PTPRA: variants seen among roughly 807,000 people sequenced by gnomAD.
The protein encoded by PTPRA is protein tyrosine phosphatase receptor type A.
In PTPRA, 25 loss-of-function variants were observed where a neutral mutation model predicts 104.8. The ratio of observed to expected loss-of-function variants is 0.24; its 90% CI spans 0.17 to 0.33. The LOEUF (loss-of-function observed/expected upper bound fraction) is 0.33. PTPRA is among the 10% of genes least tolerant of loss of function. The probability of loss-of-function intolerance (pLI) is 1.00; values close to 1 mark genes in which losing one functional copy is unlikely to be tolerated. For missense variants in PTPRA, 765 were observed against 1,015.3 expected (o/e 0.75, Z 3.35); for synonymous variants, 323 against 368.9 (o/e 0.88, Z 1.43).
intron 6 of PTPRA, 48 bp from the exon 7 acceptor site, chr20:2,986,717 C>T (rs2062926106): frequency 1.3e-6 from 2 of 1,520,368 alleles, no homozygotes; most frequent in Non-Finnish European, 1.8e-6. Flanking sequence ...GACTTAAGCC[C>T]TCCATTGCAC....
At chr20:3,018,761 TGGCCGGGCAGAGG>T (rs2064617177) in intron 13 of PTPRA, among the ~76,000 whole-genome samples, 2 of 137,802 alleles carry the variant, frequency 1.5e-5, no homozygotes, top group Admixed American at 7.0e-5. Context: ...GACGGGGTGG[TGGCCGGGCAGAGG>T]GGCTCCTCAC....
chr20:3,037,635 G>A lies in PTPRA; in HGVS notation c.2334+346G>A, dbSNP rs1178479305. On this transcript the variant is annotated intron_variant, in intron 23 of 23. Transcript: ENST00000399903. The surrounding 1 kb of genome is among the most constrained non-coding windows in gnomAD (Gnocchi z 4.3). ...TTAAGAGGTCTGACTTTAATAAGCC[G>A]CACATCCACAGAGGTTTTCCTGAAT... is the stretch of plus-strand genomic sequence containing the variant. Among the ~76,000 whole-genome samples, 4 of 152,326 alleles carry A rather than the reference G, an allele frequency of 2.6e-5. No homozygotes were observed. Among genetic ancestry groups the A allele is most frequent in the Non-Finnish European group, 4.4e-5 (3 of 68,026 alleles).
intron 9 of PTPRA, 79 bp downstream of exon 9, chr20:2,988,553 A>G: frequency 1.3e-6 from 2 of 1,543,196 alleles, no homozygotes; most frequent in Non-Finnish European, 1.7e-6. Flanking sequence ...CTTTGGAGTC[A>G]TGAAGTAAAA....
At chr20:3,004,215 G>A (rs536384849) in intron 9 of PTPRA, among the ~76,000 whole-genome samples, 66 of 152,032 alleles carry the variant, frequency 4.3e-4, no homozygotes, top group African/African-American at 1.4e-3. Context: ...ACAGGGTTTC[G>A]CCTTGTTAGC....
chr20:3,030,811 G>A (rs187922274), intron 20 of PTPRA, among the ~76,000 whole-genome samples: 68 of 146,084 alleles, frequency 4.7e-4, no homozygotes, highest in Middle Eastern at 3.6e-3. Context: ...TCAGCCTCCC[G>A]AGTAGCTGGG....
intron 6 of PTPRA, among the ~76,000 whole-genome samples, chr20:2,979,554 T>TCATG (rs1228614615): frequency 1.3e-5 from 2 of 152,202 alleles, no homozygotes; most frequent in African/African-American, 4.8e-5. Flanking sequence ...TGGGGCAGAC[T>TCATG]CATGCTCTGT....
chr20:3,005,337 C>G lies in PTPRA; in HGVS notation c.829+191C>G, dbSNP rs148348236. Among the ~76,000 whole-genome samples the G allele has an allele frequency of 5.0e-3, 764 of 152,118 alleles. 5 individuals are homozygous for G. Among genetic ancestry groups the G allele is most frequent in the African/African-American group, 0.018 (734 of 41,484 alleles). On this transcript the variant is annotated intron_variant, in intron 10 of 23. Transcript: ENST00000399903. The stretch of plus-strand genomic sequence containing the variant: ...GCCAAGGTGGGAGAATCTCTTGAGC[C>G]CAGGAGTTTGAAACTAGCCTGGGCA...
chr20:2,924,495 A>G (rs1320482453), intron 2 of PTPRA, among the ~76,000 whole-genome samples: 1 of 152,196 alleles, frequency 6.6e-6, no homozygotes, highest in Non-Finnish European at 1.5e-5. Context: ...ACATGACAAC[A>G]TGGATGAATC....
intron 1 of PTPRA, among the ~76,000 whole-genome samples, chr20:2,909,016 C>T (rs1346839073): frequency 6.6e-6 from 1 of 152,172 alleles, no homozygotes; most frequent in Non-Finnish European, 1.5e-5. Flanking sequence ...ATATAAGCCA[C>T]TCCACTCTGC....
chr20:2,958,503 C>T (rs2061617173), intron 3 of PTPRA, among the ~76,000 whole-genome samples: 1 of 151,466 alleles, frequency 6.6e-6, no homozygotes, highest in Non-Finnish European at 1.5e-5. Context: ...GATAGGAAAG[C>T]ACAGGGCAAA....
At chr20:2,909,790 A>G (rs1365324254) in intron 1 of PTPRA, among the ~76,000 whole-genome samples, 4 of 132,926 alleles carry the variant, frequency 3.0e-5, no homozygotes, top group Non-Finnish European at 6.1e-5. Flanking sequence ...AATATAATAT[A>G]TATTAGATAA....
intron 10 of PTPRA, among the ~76,000 whole-genome samples, chr20:3,005,474 C>T (rs932015504): frequency 2.0e-5 from 3 of 152,078 alleles, no homozygotes; most frequent in African/African-American, 7.2e-5. Flanking sequence ...CCCTTGAGCC[C>T]AGGGGGGCAG....
At chr20:2,877,322 G>A (rs571281395) in intron 1 of PTPRA, among the ~76,000 whole-genome samples, 2 of 152,274 alleles carry the variant, frequency 1.3e-5, no homozygotes, top group South Asian at 4.1e-4. Context: ...ATGCAATGGC[G>A]CTATCTTGGC....
Position 3,021,304 on chromosome 20 carries a change from T to C in PTPRA, c.1042-5T>C, listed in dbSNP as rs1365456857. On this transcript the variant is annotated splice_region_variant and splice_polypyrimidine_tract_variant and intron_variant, in intron 13 of 23. Transcript: ENST00000399903. The stretch of plus-strand genomic sequence containing the variant: ...GTCAGGGAATGTATGTCTTTTTCTT[T>C]CCAGTGCAAGTGCGCCCAGTACTGG... The C allele has an allele frequency of 6.2e-7, 1 of 1,613,976 alleles. No homozygotes were observed.
intron 6 of PTPRA, among the ~76,000 whole-genome samples, chr20:2,976,423 T>C (rs2062434085): frequency 6.6e-6 from 1 of 152,234 alleles, no homozygotes; most frequent in Admixed American, 6.5e-5. Flanking sequence ...TTCATAATAT[T>C]CAGCCTTTTC....
In PTPRA at chr20:2,986,804, C is replaced by T; in HGVS notation, c.482C>T (p.Ser161Phe). 1.2e-6 allele frequency: 2 copies of T among 1,613,326 alleles called. No homozygotes were observed. Among genetic ancestry groups the T allele is most frequent in the Non-Finnish European group, 1.7e-6 (2 of 1,179,262 alleles). Residue 161 changes from serine (S) to phenylalanine (F), a missense_variant, in exon 7 of 24, where the codon TCT (serine) becomes TTT (phenylalanine). Coordinates refer to ENST00000399903, the MANE Select transcript of PTPRA (RefSeq NM_001385305.1). The stretch of plus-strand genomic sequence containing the variant: ...ATTGCGGTGATGGTGGCCCTGTCCT[C>T]TCTGCTAGTGATCGTGTTTATTATC... ...PIIAVMVALS[S>F]LLVIVFIIIV...
At chr20:2,951,668 G>T (rs1163350196) in intron 3 of PTPRA, among the ~76,000 whole-genome samples, 1 of 152,026 alleles carries the variant, frequency 6.6e-6, no homozygotes, top group Non-Finnish European at 1.5e-5. Flanking sequence ...CCACATAAAG[G>T]CTCTTGCCCA....
chr20:2,930,790 C>T (rs1429427243), intron 2 of PTPRA, among the ~76,000 whole-genome samples: 2 of 152,090 alleles, frequency 1.3e-5, no homozygotes, highest in Non-Finnish European at 2.9e-5. Flanking sequence ...CTTCAACGAC[C>T]CTATTTCCAA....
chr20:2,893,448 G>T (rs1043730145), intron 1 of PTPRA, among the ~76,000 whole-genome samples: 14 of 152,264 alleles, frequency 9.2e-5, no homozygotes, highest in African/African-American at 2.6e-4. Flanking sequence ...GACAGCTGGA[G>T]ATTTCTTACA....
Sources: allele counts gnomAD v4.1 joint callset (sites outside exome capture counted in the v4.1 genomes callset), GRCh38; gene constraint gnomAD v4.1.1; non-coding constraint Gnocchi (gnomAD v3.1); transcripts MANE v1.5; gene names NCBI Gene and HGNC (gene_info 2026-07-23, HGNC 2026-07-21).